PSMD14: variants seen among roughly 807,000 people sequenced by gnomAD.
The protein encoded by PSMD14 is ubiquitin C-terminal hydrolase PSMD14.
Under a neutral mutation model 41.2 loss-of-function variants are expected in PSMD14, and 7 were observed. The ratio of observed to expected loss-of-function variants is 0.17; its 90% CI spans 0.10 to 0.32. The LOEUF is 0.32. PSMD14 is among the 10% of genes least tolerant of loss of function. The pLI is 1.00. For missense variants in PSMD14, 139 were observed against 375.6 expected (o/e 0.37, Z 5.21); for synonymous variants, 114 against 122.3 (o/e 0.93, Z 0.45).
At chr2:161,388,253 T>A (rs185764784) in intron 8 of PSMD14, among the ~76,000 whole-genome samples, 1 of 152,070 alleles carries the variant, frequency 6.6e-6, no homozygotes, top group Non-Finnish European at 1.5e-5. Flanking sequence ...TTAAGCTATT[T>A]GGAAAACATT....
chr2:161,359,649 A>C (rs567250704), intron 3 of PSMD14, among the ~76,000 whole-genome samples: 4 of 152,198 alleles, frequency 2.6e-5, no homozygotes, highest in Non-Finnish European at 5.9e-5. Flanking sequence ...CTCTGTTCTC[A>C]GTGAGCATAC....
intron 3 of PSMD14, among the ~76,000 whole-genome samples, chr2:161,356,458 TGAGGA>T (rs1432143177): frequency 6.6e-6 from 1 of 152,168 alleles, no homozygotes; most frequent in African/African-American, 2.4e-5. Context: ...AATTTTTAAT[TGAGGA>T]AACTGAATGT....
Position 161,343,827 on chromosome 2 carries a change from CAAA to C in PSMD14, c.49-23638_49-23636del, listed in dbSNP as rs35338761. On this transcript the variant is annotated intron_variant, in intron 3 of 11. Coordinates refer to ENST00000409682, the MANE Select transcript of PSMD14 (RefSeq NM_005805.6). ...TAGGGGATGGAGTGATACTCTGTCT[CAAA>C]AAAAAAAAAAAATGTCTTTGAGTCT... Among the ~76,000 whole-genome samples, 502 of 147,898 alleles carry C rather than the reference CAAA, an allele frequency of 3.4e-3. 1 individual carries two copies. The highest frequency in any genetic ancestry group is 6.5e-3 in the African/African-American group (261 of 40,342).
intron 3 of PSMD14, among the ~76,000 whole-genome samples, chr2:161,337,972 A>T (rs1285408381): frequency 6.6e-6 from 1 of 152,254 alleles, no homozygotes; most frequent in Non-Finnish European, 1.5e-5. Flanking sequence ...CAAGAATAAA[A>T]AGGGATGAGA....
chr2:161,335,658 A>T (rs1682857884), intron 3 of PSMD14, among the ~76,000 whole-genome samples: 1 of 152,190 alleles, frequency 6.6e-6, no homozygotes, highest in Admixed American at 6.5e-5. Flanking sequence ...TTATCTTTTG[A>T]TTTACAAACC....
chr2:161,335,048 A>T (rs968684127), intron 3 of PSMD14, among the ~76,000 whole-genome samples: 3 of 152,260 alleles, frequency 2.0e-5, no homozygotes, highest in Non-Finnish European at 4.4e-5. Context: ...ACCATGCCTC[A>T]GAACTTCTGA....
chr2:161,358,771 C>T (rs549029710), intron 3 of PSMD14, among the ~76,000 whole-genome samples: 24 of 152,174 alleles, frequency 1.6e-4, no homozygotes, highest in Non-Finnish European at 2.4e-4. Flanking sequence ...GGTGAAACCC[C>T]GTCTCCACCA....
intron 10 of PSMD14, chr2:161,407,720 C>T (rs557254111): frequency 6.6e-6 from 1 of 152,158 alleles, no homozygotes; most frequent in Admixed American, 6.6e-5. Context: ...AAATCTAACC[C>T]TCACTGGGAT....
At chr2:161,369,402 A>G (rs1683402837) in intron 5 of PSMD14, among the ~76,000 whole-genome samples, 1 of 152,062 alleles carries the variant, frequency 6.6e-6, no homozygotes, top group Admixed American at 6.6e-5. Context: ...AAAGAAAGAA[A>G]AAAACCGAAA....
chr2:161,377,508 G>GT (rs761798942), intron 7 of PSMD14, among the ~76,000 whole-genome samples: 2 of 151,850 alleles, frequency 1.3e-5, no homozygotes, highest in Non-Finnish European at 2.9e-5. Flanking sequence ...ACATGTAATA[G>GT]TTTATCACAT....
At chr2:161,321,508 A>T (rs1017656446) in intron 3 of PSMD14, among the ~76,000 whole-genome samples, 1 of 152,108 alleles carries the variant, frequency 6.6e-6, no homozygotes, top group African/African-American at 2.4e-5. Flanking sequence ...CAATTGACAC[A>T]AACCTGGCGG....
At chr2:161,365,422 T>G (rs1046118242) in intron 3 of PSMD14, among the ~76,000 whole-genome samples, 3 of 152,178 alleles carry the variant, frequency 2.0e-5, no homozygotes, top group Non-Finnish European at 4.4e-5. Flanking sequence ...ATATATAATA[T>G]TGAAGAAAAT....
rs535407339 is a variant in PSMD14 at position 161,314,093 on chromosome 2, A to G, written c.-137-2344A>G. On this transcript the variant is annotated intron_variant, in intron 1 of 11. Transcript: ENST00000409682. ...TTTCCTTCATAATTGCAAAACATTT[A>G]TATTTTTAGATTTATAGGCACCATT... Among the ~76,000 whole-genome samples, 15 of 152,346 alleles carry G rather than the reference A, an allele frequency of 9.8e-5. No individual in the cohort carries two copies. The South Asian group carries it at 3.1e-3, about 32-fold the overall frequency.
intron 1 of PSMD14, among the ~76,000 whole-genome samples, chr2:161,313,849 CTTGTA>C (rs1454991869): frequency 1.3e-5 from 2 of 152,072 alleles, no homozygotes; most frequent in African/African-American, 2.4e-5. Context: ...ACTTCTGGTT[CTTGTA>C]TTTGTCATCC....
intron 10 of PSMD14, among the ~76,000 whole-genome samples, chr2:161,406,962 T>C (rs1683955773): frequency 1.3e-5 from 2 of 152,264 alleles, no homozygotes; most frequent in South Asian, 2.1e-4. Context: ...ATCTTTGTTG[T>C]TTGCAATATT....
chr2:161,373,579 G>A (rs1025432491), intron 7 of PSMD14, among the ~76,000 whole-genome samples: 1 of 151,850 alleles, frequency 6.6e-6, no homozygotes, highest in Non-Finnish European at 1.5e-5. Context: ...ATGAAGAATA[G>A]TATAAGAGTC....
chr2:161,341,584 A>C (rs1170414875), intron 3 of PSMD14, among the ~76,000 whole-genome samples: 1 of 151,532 alleles, frequency 6.6e-6, no homozygotes, highest in East Asian at 1.9e-4. Flanking sequence ...TCACGCCTGT[A>C]ATCCCATCAT....
intron 1 of PSMD14, among the ~76,000 whole-genome samples, chr2:161,312,113 T>C (rs753725672): frequency 2.6e-5 from 4 of 151,904 alleles, no homozygotes; most frequent in Non-Finnish European, 5.9e-5. Context: ...ACGGAGTAGC[T>C]TGAAAAGGAT....
At chr2:161,369,242 A>G (rs1357892424) in intron 5 of PSMD14, among the ~76,000 whole-genome samples, 3 of 152,024 alleles carry the variant, frequency 2.0e-5, no homozygotes, top group African/African-American at 7.2e-5. Flanking sequence ...TTTGATCCCT[A>G]TATTCACTCT....
Sources: gnomAD v4.1 joint callset for allele counts (sites outside exome capture counted in the v4.1 genomes callset) on GRCh38, gnomAD v4.1.1 for gene constraint, MANE v1.5 for transcripts, NCBI Gene and HGNC (gene_info 2026-07-23, HGNC 2026-07-21) for gene names.